PXDNL: variants seen among roughly 807,000 people sequenced by gnomAD.
PXDNL encodes the protein peroxidasin like, also known as probable oxidoreductase PXDNL.
Under a neutral mutation model 150.8 loss-of-function variants are expected in PXDNL, and 145 were observed. The ratio of observed to expected loss-of-function variants is 0.96; its 90% confidence interval spans 0.84 to 1.10. The LOEUF (loss-of-function observed/expected upper bound fraction) is 1.10. PXDNL is among the 50% of genes least tolerant of loss of function. PXDNL has a pLI of 0.00. For missense variants in PXDNL, 2,087 were observed against 1,873.9 expected (o/e 1.11, Z -2.10); for synonymous variants, 757 against 725.7 (o/e 1.04, Z -0.69).
chr8:51,383,495 C>A (rs73579659), intron 17 of PXDNL, among the ~76,000 whole-genome samples: 1 of 152,042 alleles, frequency 6.6e-6, no homozygotes, highest in Admixed American at 6.5e-5. Flanking sequence ...ATACAAAGGG[C>A]GCTGGTAACT....
rs1163804283 is a variant in PXDNL at position 51,809,272 on chromosome 8, G to A, written c.73C>T (p.Pro25Ser). 1.2e-6 allele frequency: 2 copies of A among 1,601,918 alleles called. No individual in the cohort carries two copies. Among genetic ancestry groups the A allele is most frequent in the East Asian group, 4.5e-5 (2 of 44,486 alleles). ...AGWCLPGLPC[P>S]SRCLCFKSTV... ...CTCTTAAAGCAAAGGCACCGGCTGG[G>A]GCAGGGCAACCCTGGCAGGCACCAC... Residue 25 changes from proline to serine, a missense_variant, in exon 1 of 23, where the codon CCC (proline) becomes TCC (serine). Coordinates refer to ENST00000356297, the MANE Select transcript of PXDNL (RefSeq NM_144651.5).
At chr8:51,681,565 A>T (rs1340473398) in intron 1 of PXDNL, among the ~76,000 whole-genome samples, 1 of 152,216 alleles carries the variant, frequency 6.6e-6, no homozygotes, top group African/African-American at 2.4e-5. Flanking sequence ...AGGGCTGCAG[A>T]GTCACCCAGG....
At chr8:51,697,531 T>A (rs1488141088) in intron 1 of PXDNL, among the ~76,000 whole-genome samples, 2 of 151,858 alleles carry the variant, frequency 1.3e-5, no homozygotes, top group Admixed American at 6.6e-5. Context: ...AGTCAAGGAG[T>A]AGATGTCCCT....
chr8:51,451,595 G>A (rs1809809320), intron 10 of PXDNL, among the ~76,000 whole-genome samples: 1 of 152,102 alleles, frequency 6.6e-6, no homozygotes, highest in Non-Finnish European at 1.5e-5. Flanking sequence ...ATGACCATAG[G>A]CCTTTTTACC....
chr8:51,457,236 A>G (rs1473560546), intron 9 of PXDNL, among the ~76,000 whole-genome samples: 1 of 152,226 alleles, frequency 6.6e-6, no homozygotes, highest in East Asian at 1.9e-4. Context: ...CACTCTGCAT[A>G]AGGATGCTGG....
intron 1 of PXDNL, among the ~76,000 whole-genome samples, chr8:51,730,965 G>C (rs552870552): frequency 2.0e-5 from 3 of 152,138 alleles, no homozygotes; most frequent in Non-Finnish European, 4.4e-5. Flanking sequence ...AATTATGAGA[G>C]CTACAATTCA....
intron 1 of PXDNL, among the ~76,000 whole-genome samples, chr8:51,678,613 A>T (rs1815677932): frequency 6.7e-6 from 1 of 150,216 alleles, no homozygotes; most frequent in Non-Finnish European, 1.5e-5. Flanking sequence ...AAACTATCGC[A>T]AGAACAAAAA....
intron 1 of PXDNL, among the ~76,000 whole-genome samples, chr8:51,711,415 G>A (rs1331285031): frequency 1.3e-5 from 2 of 152,184 alleles, no homozygotes; most frequent in African/African-American, 2.4e-5. Context: ...TGGGATTACA[G>A]GCATGAGCCA....
rs183724176 is a variant in PXDNL, at chr8:51,354,891, T to C, written c.3902-8944A>G. 4.7e-4 allele frequency among the ~76,000 whole-genome samples: 72 copies of C among 152,208 alleles called. No homozygotes were observed. In the East Asian group the frequency reaches 9.3e-3, roughly 20 times the overall value. On this transcript the variant is annotated intron_variant, in intron 19 of 22. Transcript: ENST00000356297. ...TGTAAAGTCAACATCATCAGTAGAG[T>C]TTGATTAATCATCTATATCACTGAA...
intron 21 of PXDNL, among the ~76,000 whole-genome samples, chr8:51,337,897 G>A (rs983650591): frequency 4.3e-5 from 6 of 140,006 alleles, no homozygotes; most frequent in African/African-American, 1.6e-4. Context: ...CACATTGGAT[G>A]GCCAGGCACA....
At chr8:51,670,431 A>G (rs373279593) in intron 1 of PXDNL, among the ~76,000 whole-genome samples, 37 of 152,318 alleles carry the variant, frequency 2.4e-4, no homozygotes, top group Middle Eastern at 3.4e-3. Context: ...CACAAACTAT[A>G]TAGTGTATAG....
intron 2 of PXDNL, among the ~76,000 whole-genome samples, chr8:51,633,816 T>G (rs1814542992): frequency 6.6e-6 from 1 of 152,222 alleles, no homozygotes; most frequent in Non-Finnish European, 1.5e-5. Context: ...CTTTGTTCAC[T>G]TTTTGATGGG....
At chr8:51,556,665 A>G (rs1176774291) in intron 4 of PXDNL, among the ~76,000 whole-genome samples, 175 bp downstream of exon 4, 2 of 152,312 alleles carry the variant, frequency 1.3e-5, no homozygotes, top group East Asian at 3.9e-4. Context: ...TCCTATCCTT[A>G]TGCCAACTCA....
At chr8:51,349,176 GGT>G (rs56864306) in intron 19 of PXDNL, among the ~76,000 whole-genome samples, 75,876 of 150,286 alleles carry the variant, frequency 0.5, 21,906 homozygotes, top group East Asian at 0.68. Flanking sequence ...TGTGTGTGGG[GGT>G]GTGTGTGTGT....
intron 2 of PXDNL, among the ~76,000 whole-genome samples, chr8:51,616,078 A>T (rs1406812506): frequency 1.3e-5 from 2 of 152,222 alleles, no homozygotes; most frequent in Non-Finnish European, 2.9e-5. Context: ...AGTATCTGGC[A>T]GGTGGGGTGG....
intron 1 of PXDNL, among the ~76,000 whole-genome samples, chr8:51,679,605 A>C (rs1347903991): frequency 6.6e-6 from 1 of 152,138 alleles, no homozygotes; most frequent in African/African-American, 2.4e-5. Flanking sequence ...ATCTACATGC[A>C]TCCTTTTTAT....
intron 4 of PXDNL, among the ~76,000 whole-genome samples, chr8:51,552,939 T>C (rs1280318130): frequency 1.3e-5 from 2 of 152,162 alleles, no homozygotes; most frequent in African/African-American, 2.4e-5. Context: ...GCTGTGAGCC[T>C]GTGAAATCAA....
chr8:51,747,770 C>G (rs542806599), intron 1 of PXDNL, among the ~76,000 whole-genome samples: 1 of 152,088 alleles, frequency 6.6e-6, no homozygotes, highest in Non-Finnish European at 1.5e-5. Context: ...GGTTAATTCC[C>G]GGGCCATAGT....
At chr8:51,744,924 A>C (rs2036961417) in intron 1 of PXDNL, among the ~76,000 whole-genome samples, 1 of 110,788 alleles carries the variant, frequency 9.0e-6, no homozygotes, top group African/African-American at 3.7e-5. Flanking sequence ...GAAGGAAAGA[A>C]AGAAAAAGAA....
Sources: allele counts gnomAD v4.1 joint callset (sites outside exome capture counted in the v4.1 genomes callset), GRCh38; gene constraint gnomAD v4.1.1; transcripts MANE v1.5; gene names NCBI Gene and HGNC (gene_info 2026-07-23, HGNC 2026-07-21).